The following CYP39A1 variants were observed in gnomAD, a reference collection of about 807,000 sequenced individuals.
CYP39A1 encodes the protein cytochrome P450 family 39 subfamily A member 1.
CYP39A1 carries 49 observed loss-of-function variants against 58.1 expected under a neutral mutation model. The ratio of observed to expected loss-of-function variants is 0.84; its 90% confidence interval spans 0.67 to 1.07. The LOEUF (loss-of-function observed/expected upper bound fraction) is 1.07, where lower values mean the gene tolerates loss of function less well. CYP39A1 is among the 50% of genes least tolerant of loss of function. The probability of loss-of-function intolerance (pLI) is 0.00; values close to 1 mark genes in which losing one functional copy is unlikely to be tolerated. For missense variants in CYP39A1, 531 were observed against 539.4 expected (o/e 0.98, Z 0.16); for synonymous variants, 209 against 187.6 (o/e 1.11, Z -0.93).
intron 6 of CYP39A1, among the ~76,000 whole-genome samples, chr6:46,629,224 A>G (rs976479404): frequency 3.3e-5 from 5 of 152,210 alleles, no homozygotes; most frequent in African/African-American, 1.2e-4. Flanking sequence ...CTTTCAGACC[A>G]GCGCCAAGAA....
intron 8 of CYP39A1, among the ~76,000 whole-genome samples, chr6:46,594,764 G>T (rs1379037908): frequency 6.6e-6 from 1 of 151,836 alleles, no homozygotes; most frequent in Admixed American, 6.6e-5. Context: ...AATTTTTTGA[G>T]AATATGAATC....
intron 10 of CYP39A1, among the ~76,000 whole-genome samples, chr6:46,569,205 A>G (rs542113625): frequency 6.6e-6 from 1 of 152,226 alleles, no homozygotes; most frequent in Admixed American, 6.5e-5. Flanking sequence ...ATAAAAATGC[A>G]ATGGATTTTT....
chr6:46,586,288 T>G (rs1772468334), intron 10 of CYP39A1: 1 of 981,656 alleles, frequency 1.0e-6, no homozygotes, highest in African/African-American at 1.7e-5. Context: ...ATATAAAAAT[T>G]TAATGGATTT....
At chr6:46,646,590 A>G (rs971078097) in intron 1 of CYP39A1, among the ~76,000 whole-genome samples, 7 of 152,100 alleles carry the variant, frequency 4.6e-5, no homozygotes, top group Admixed American at 4.6e-4. Context: ...ATAGACTGGG[A>G]AATGTTCCTT....
intron 7 of CYP39A1, among the ~76,000 whole-genome samples, chr6:46,609,130 G>A (rs1447994297): frequency 6.6e-6 from 1 of 151,892 alleles, no homozygotes; most frequent in East Asian, 2.0e-4. Context: ...GCCAGGCACC[G>A]TGGGCTCACG....
chr6:46,575,483 C>T (rs1436377383), intron 10 of CYP39A1, among the ~76,000 whole-genome samples: 8 of 152,186 alleles, frequency 5.3e-5, no homozygotes, highest in East Asian at 1.9e-4. Context: ...ATGGCCACCA[C>T]GAGTTGTTTC....
chr6:46,611,043 A>G (rs2150549594), intron 7 of CYP39A1, among the ~76,000 whole-genome samples: 1 of 152,296 alleles, frequency 6.6e-6, no homozygotes, highest in South Asian at 2.1e-4. Context: ...GACTCTGGGA[A>G]TATGAGCACT....
chr6:46,602,650 T>G (rs566626262), intron 7 of CYP39A1, among the ~76,000 whole-genome samples: 117 of 51,696 alleles, frequency 2.3e-3, no homozygotes, highest in African/African-American at 8.8e-3. Flanking sequence ...CCGTCTCTAC[T>G]AAAAATACAA....
chr6:46,615,463 C>A (rs561427957), intron 7 of CYP39A1, among the ~76,000 whole-genome samples: 3 of 152,002 alleles, frequency 2.0e-5, no homozygotes, highest in Admixed American at 6.6e-5. Flanking sequence ...CATGATACTT[C>A]AAACTTGTCT....
chr6:46,560,590 C>A (rs1770921406), intron 10 of CYP39A1, among the ~76,000 whole-genome samples: 2 of 152,024 alleles, frequency 1.3e-5, no homozygotes, highest in South Asian at 2.1e-4. Context: ...CTCTATAGAC[C>A]AGTGCCTTTT....
intron 10 of CYP39A1, among the ~76,000 whole-genome samples, chr6:46,574,390 C>T (rs1771746301): frequency 6.6e-6 from 1 of 152,158 alleles, no homozygotes; most frequent in South Asian, 2.1e-4. Flanking sequence ...TGTTCCATCT[C>T]TACAGAGCTG....
chr6:46,585,338 G>A (rs1190540403), intron 10 of CYP39A1, among the ~76,000 whole-genome samples: 1 of 151,950 alleles, frequency 6.6e-6, no homozygotes, highest in Non-Finnish European at 1.5e-5. Context: ...TAGATAGATA[G>A]ATAGATAGAT....
rs941193778 is a variant in CYP39A1, at chr6:46,583,512, C to A, written c.1250+3565G>T. On this transcript the variant is annotated intron_variant, in intron 10 of 11. Coordinates refer to ENST00000275016, the MANE Select transcript of CYP39A1 (RefSeq NM_016593.5). ...TGTGAGACTGTCTGCTATAATGAGA[C>A]TCTTCACTTTGCAAGCTACAATTTC... The A allele has an allele frequency of 7.1e-6, 7 of 985,236 alleles. No homozygotes were observed. In the East Asian group the frequency reaches 5.7e-4, roughly 80 times the overall value. 61.0% of individuals were successfully genotyped at this position (985,236 alleles called of 1,614,324 possible).
intron 7 of CYP39A1, among the ~76,000 whole-genome samples, chr6:46,609,414 CAA>C (rs940212245): frequency 2.1e-4 from 13 of 62,506 alleles, no homozygotes; most frequent in Non-Finnish European, 3.2e-4. Flanking sequence ...GACTCCGTCT[CAA>C]AAAAAAAAAA....
intron 1 of CYP39A1, among the ~76,000 whole-genome samples, chr6:46,645,337 T>C (rs1333766948): frequency 6.6e-6 from 1 of 152,186 alleles, no homozygotes; most frequent in Non-Finnish European, 1.5e-5. Context: ...TAGGTAGAAA[T>C]TCATGTTTTG....
At chr6:46,562,688 G>A (rs1379879653) in intron 10 of CYP39A1, among the ~76,000 whole-genome samples, 1 of 151,856 alleles carries the variant, frequency 6.6e-6, no homozygotes, top group Non-Finnish European at 1.5e-5. Context: ...AATCTGTAGA[G>A]AAAGTAGAAT....
At chr6:46,648,939 C>T (rs1226299662) in intron 1 of CYP39A1, among the ~76,000 whole-genome samples, 1 of 152,138 alleles carries the variant, frequency 6.6e-6, no homozygotes, top group Non-Finnish European at 1.5e-5. Flanking sequence ...ATCAATGTCT[C>T]ATGCTTAAAA....
At chr6:46,583,659 CT>C in intron 10 of CYP39A1, 5 of 907,238 alleles carry the variant, frequency 5.5e-6, no homozygotes, top group Non-Finnish European at 6.6e-6. Flanking sequence ...CTTCCATGTG[CT>C]ACAAGGAAGT....
At chr6:46,647,392 T>G (rs1762388827) in intron 1 of CYP39A1, among the ~76,000 whole-genome samples, 1 of 152,160 alleles carries the variant, frequency 6.6e-6, no homozygotes, top group Non-Finnish European at 1.5e-5. Flanking sequence ...CAAATATCGC[T>G]TAGAGTGGCT....
Sources: gnomAD v4.1 joint callset for allele counts (sites outside exome capture counted in the v4.1 genomes callset) on GRCh38, gnomAD v4.1.1 for gene constraint, MANE v1.5 for transcripts, NCBI Gene and HGNC (gene_info 2026-07-23, HGNC 2026-07-21) for gene names.